The following CREBBP variants were observed in gnomAD, a reference collection of about 807,000 sequenced individuals.
CREBBP encodes CREB-binding protein.
A neutral mutation model predicts 265.0 loss-of-function variants in CREBBP; 19 were observed. The ratio of observed to expected loss-of-function variants is 0.07; its 90% CI spans 0.05 to 0.11. CREBBP has a LOEUF of 0.11. Ranked by LOEUF, CREBBP falls within the 10% of genes least tolerant of loss-of-function variation. The pLI is 1.00. For synonymous variants in CREBBP, 1,457 were observed against 1,223.7 expected (o/e 1.19, Z -3.98); for missense variants, 2,525 against 3,219.0 (o/e 0.78, Z 5.22).
At chr16:3,818,196 G>A (rs976961972) in intron 2 of CREBBP, among the ~76,000 whole-genome samples, 21 of 152,164 alleles carry the variant, frequency 1.4e-4, no homozygotes, top group African/African-American at 3.9e-4. Flanking sequence ...CCGGGGAGGA[G>A]GACGGCCAGA....
intron 12 of CREBBP, 88 bp from the exon 13 acceptor site, chr16:3,774,018 C>A: frequency 7.0e-7 from 1 of 1,437,044 alleles, no homozygotes; most frequent in African/African-American, 1.4e-5. Flanking sequence ...CAAGGCTTCA[C>A]AACCCCAGAG....
chr16:3,728,202 T>C lies in CREBBP; in HGVS notation c.6845A>G (p.Asp2282Gly), dbSNP rs949743163. 1 of 1,613,824 alleles carries C rather than the reference T, an allele frequency of 6.2e-7. No individual in the cohort carries two copies. Among genetic ancestry groups the C allele is most frequent in the Non-Finnish European group, 8.5e-7 (1 of 1,179,990 alleles). Residue 2282 changes from aspartate (D) to glycine (G), a missense_variant, in exon 31 of 31, where the codon GAC becomes GGC. Asp to Gly is a moderately conservative substitution (Grantham distance 94). This residue lies in a region of CREBBP where 473 missense variants were observed against 459.3 expected (regional missense o/e 1.03). Coordinates refer to ENST00000262367, the MANE Select transcript of CREBBP (RefSeq NM_004380.3). The surrounding 1 kb of genome is among the most constrained non-coding windows in gnomAD (Gnocchi z 8.7). ...GGCTTGCTGGATGTTGGGGGTGCTG[T>C]CTGCCCCCAGCCCCGGCTGCCCCAT... ...GQMGQPGLGA[D>G]STPNIQQALQ...
intron 1 of CREBBP, among the ~76,000 whole-genome samples, chr16:3,854,315 C>T (rs1413661375): frequency 2.6e-5 from 4 of 152,192 alleles, no homozygotes; most frequent in African/African-American, 7.2e-5. Flanking sequence ...CACCAGATCT[C>T]GTCATGGGCA....
In CREBBP at chr16:3,850,528, G is replaced by C. The variant is rs2141491915; in HGVS notation, c.567C>G (p.Leu189=). 6.2e-7 allele frequency: 1 copy of C among 1,614,242 alleles called. No individual in the cohort carries two copies. The change falls in exon 2 of 31, where the codon CTC becomes CTG. Residue 189 remains leucine, a synonymous_variant. Coordinates refer to ENST00000262367, the MANE Select transcript of CREBBP (RefSeq NM_004380.3). ...ANFNQTHPGL[L]NSNSGHSLIN... is the part of the protein sequence containing the mutation. Reference sequence around the variant, plus strand: ...TTAAGCTATGGCCAGAGTTACTATTGAGGAGGCCTGGGTGGGTCTGGTTAA... The same window carrying C: ...TTAAGCTATGGCCAGAGTTACTATTCAGGAGGCCTGGGTGGGTCTGGTTAA...
At chr16:3,779,128 T>C (rs568978497) in intron 8 of CREBBP, among the ~76,000 whole-genome samples, 10 of 151,204 alleles carry the variant, frequency 6.6e-5, no homozygotes, top group East Asian at 2.0e-4. Flanking sequence ...GATCGTGCCA[T>C]TGCACTCCAG....
intron 3 of CREBBP, among the ~76,000 whole-genome samples, chr16:3,805,695 C>T (rs2053815147): frequency 6.6e-6 from 1 of 152,114 alleles, no homozygotes; most frequent in African/African-American, 2.4e-5. Flanking sequence ...ATTAGTGAAG[C>T]CTTCTGAAGT....
chr16:3,739,389 T>C, intron 25 of CREBBP, 189 bp downstream of exon 25: 1 of 672,954 alleles, frequency 1.5e-6, no homozygotes, highest in South Asian at 1.9e-5. Flanking sequence ...CTCACTGCAG[T>C]CATCTCAACA....
chr16:3,751,538 G>A (rs894836530), intron 20 of CREBBP, among the ~76,000 whole-genome samples, 188 bp downstream of exon 20: 4 of 152,220 alleles, frequency 2.6e-5, no homozygotes, highest in African/African-American at 9.6e-5. Context: ...GCTGCAGTGA[G>A]TCGAGATAGT....
In CREBBP at chr16:3,880,057, G is replaced by A; in HGVS notation, c.-141C>T. ...GGGCGGGCGGGCGCCGAGGGAGAGGGAGGGCGCAGGCCGGGTGGGGGAGGC... is the reference window on the plus strand; with the variant it reads ...GGGCGGGCGGGCGCCGAGGGAGAGGAAGGGCGCAGGCCGGGTGGGGGAGGC... On this transcript the variant is annotated 5_prime_UTR_variant, in exon 1 of 31. Transcript: ENST00000262367. 1.9e-6 allele frequency: 1 copy of A among 513,856 alleles called. No homozygotes were observed. Among genetic ancestry groups the A allele is most frequent in the Non-Finnish European group, 2.9e-6 (1 of 343,612 alleles). 31.8% of individuals were successfully genotyped at this position (513,856 alleles called of 1,614,324 possible).
intron 1 of CREBBP, among the ~76,000 whole-genome samples, chr16:3,861,311 C>T (rs192991790): frequency 9.5e-4 from 144 of 152,302 alleles, no homozygotes; most frequent in African/African-American, 2.6e-3. Context: ...ACAGTAGCAC[C>T]TGCTTCGCAG....
intron 1 of CREBBP, among the ~76,000 whole-genome samples, chr16:3,860,963 C>T (rs1348426272): frequency 6.6e-6 from 1 of 151,426 alleles, no homozygotes; most frequent in South Asian, 2.1e-4. Flanking sequence ...TCCCTGTGTA[C>T]CCCTCCTTAG....
At chr16:3,745,884 G>A (rs761253942) in intron 21 of CREBBP, among the ~76,000 whole-genome samples, 13 of 152,250 alleles carry the variant, frequency 8.5e-5, no homozygotes, top group African/African-American at 1.2e-4. Flanking sequence ...TACAAAAGGT[G>A]GAATGTGTCA....
intron 16 of CREBBP, among the ~76,000 whole-genome samples, chr16:3,760,865 C>T (rs2052700756): frequency 6.6e-6 from 1 of 150,762 alleles, no homozygotes; most frequent in African/African-American, 2.4e-5. Context: ...ATTGAACTCT[C>T]GGCCTCAAGT....
At chr16:3,767,489 C>T (rs1441425781) in intron 16 of CREBBP, 17 of 605,726 alleles carry the variant, frequency 2.8e-5, no homozygotes, top group Middle Eastern at 4.4e-4. Flanking sequence ...AGCCTGGGTG[C>T]CCTCGGAGCA....
intron 1 of CREBBP, among the ~76,000 whole-genome samples, chr16:3,856,941 G>C (rs1010605294): frequency 6.6e-6 from 1 of 152,128 alleles, no homozygotes; most frequent in African/African-American, 2.4e-5. Flanking sequence ...CCCAGGGCAG[G>C]GCTGGCCTCA....
chr16:3,869,673 C>T lies in CREBBP; in HGVS notation c.85+10159G>A, dbSNP rs527582395. Among the ~76,000 whole-genome samples the T allele has an allele frequency of 2.0e-5, 3 of 152,312 alleles. No individual in the cohort carries two copies. In the East Asian group the frequency reaches 5.8e-4, roughly 29 times the overall value. ...AAGTACTCAACAGCCACACGTGGCTCGTGGTTCCAGTACTGTGTCATATAG... is the reference window on the plus strand; with the variant it reads ...AAGTACTCAACAGCCACACGTGGCTTGTGGTTCCAGTACTGTGTCATATAG... On this transcript the variant is annotated intron_variant, in intron 1 of 30. Coordinates refer to ENST00000262367, the MANE Select transcript of CREBBP (RefSeq NM_004380.3).
Position 3,758,051 on chromosome 16 carries a change from T to TAA in CREBBP, c.3370-5_3370-4dup, listed in dbSNP as rs75459669. 9.7e-5 allele frequency: 140 copies of TAA among 1,438,584 alleles called. No individual in the cohort carries two copies. Among genetic ancestry groups the TAA allele is most frequent in the South Asian group, 1.5e-4 (13 of 85,570 alleles). 89.1% of individuals were successfully genotyped at this position (1,438,584 alleles called of 1,614,324 possible). A position where few individuals can be genotyped will look rare whatever the true frequency, so the allele number is the denominator to read the frequency against. ...TTCTTTACGATGTCAAAATAGTCCT[T>TAA]AAAAAAAAAAAAATGGTCTCAGTAT... is the stretch of plus-strand genomic sequence containing the variant. On this transcript the variant is annotated splice_region_variant and splice_polypyrimidine_tract_variant and intron_variant, in intron 17 of 30. Transcript: ENST00000262367.
chr16:3,818,533 A>G (rs1205231917), intron 2 of CREBBP, among the ~76,000 whole-genome samples: 1 of 152,066 alleles, frequency 6.6e-6, no homozygotes, highest in Non-Finnish European at 1.5e-5. Context: ...CACGTTGGCC[A>G]GGCTGGTCTC....
At position 3,731,111 on chromosome 16, in the gene CREBBP, C is replaced by A. The variant is rs2151315328; in HGVS notation, c.5172+81G>T. 1 of 1,472,932 alleles carries A rather than the reference C, an allele frequency of 6.8e-7. No individual in the cohort carries two copies. Among genetic ancestry groups the A allele is most frequent in the Non-Finnish European group, 9.3e-7 (1 of 1,074,610 alleles). The allele number at this position is 1,472,932 out of a possible 1,614,324, so 91.2% of individuals were successfully genotyped here. On this transcript the variant is annotated intron_variant, in intron 30 of 30. Transcript: ENST00000262367. This position sits in a 1 kb window ranked among gnomAD's most constrained non-coding sequence, Gnocchi z 7.7. The stretch of plus-strand genomic sequence containing the variant: ...AGCCACCATCAGGTACAGACACCAA[C>A]CCGGGCACCCATGCAAAGGGACAGG...
Sources: allele counts gnomAD v4.1 joint callset (sites outside exome capture counted in the v4.1 genomes callset), GRCh38; gene constraint gnomAD v4.1.1; regional missense constraint gnomAD v4.1.1; non-coding constraint Gnocchi (gnomAD v3.1); transcripts MANE v1.5; gene names NCBI Gene and HGNC (gene_info 2026-07-23, HGNC 2026-07-21).